FAM89A: variants seen among roughly 807,000 people sequenced by gnomAD.
The protein encoded by FAM89A is family with sequence similarity 89 member A, also known as protein FAM89A.
A neutral mutation model predicts 7.1 loss-of-function variants in FAM89A; 10 were observed. The observed-to-expected ratio is 1.40, with a 90% CI of 0.86 to 2.38. The LOEUF (loss-of-function observed/expected upper bound fraction) is 2.38, where lower values mean the gene tolerates loss of function less well. FAM89A is among the 30% of genes most tolerant of loss of function. The probability of loss-of-function intolerance (pLI) is 0.00; values close to 1 mark genes in which losing one functional copy is unlikely to be tolerated. For synonymous variants in FAM89A, 157 were observed against 129.3 expected, an observed-to-expected ratio of 1.21 and a Z score of -1.45; for missense variants, 276 against 262.8, an observed-to-expected ratio of 1.05 and a Z score of -0.35.
intron 1 of FAM89A, among the ~76,000 whole-genome samples, chr1:231,039,564 A>G (rs1254523596): frequency 6.6e-6 from 1 of 152,184 alleles, no homozygotes; most frequent in Non-Finnish European, 1.5e-5. Flanking sequence ...CCCCACCGGG[A>G]AGGTCTGTTT....
In FAM89A at chr1:231,019,939, T is replaced by TC; in HGVS notation, c.478dup (p.Asp160GlyfsTer74). 6.2e-7 allele frequency: 1 copy of TC among 1,613,980 alleles called. No individual in the cohort carries two copies. Among genetic ancestry groups the TC allele is most frequent in the Non-Finnish European group, 8.5e-7 (1 of 1,179,908 alleles). On this transcript the variant is annotated frameshift_variant, in exon 2 of 2. Transcript: ENST00000366654. LOFTEE classifies it high-confidence loss of function. ...TGACAAGTCCCGAGGAGGGCCTCGGTCCCTCCTGTCGTGCAGGGAGTTCTG... is the reference window on the plus strand; with the variant it reads ...TGACAAGTCCCGAGGAGGGCCTCGGTCCCCTCCTGTCGTGCAGGGAGTTCTG...
At chr1:231,038,926 A>C (rs1680203074) in intron 1 of FAM89A, among the ~76,000 whole-genome samples, 2 of 152,248 alleles carry the variant, frequency 1.3e-5, no homozygotes, top group Non-Finnish European at 2.9e-5. Flanking sequence ...ATTTCTTAAC[A>C]ATTTACCTAT....
intron 1 of FAM89A, among the ~76,000 whole-genome samples, chr1:231,034,281 A>AG (rs1415499631): frequency 1.3e-5 from 2 of 152,222 alleles, no homozygotes; most frequent in African/African-American, 4.8e-5. Flanking sequence ...AAAGAACCAT[A>AG]GAGGCATGAG....
chr1:231,030,726 T>A (rs1397682832), intron 1 of FAM89A, among the ~76,000 whole-genome samples: 1 of 152,222 alleles, frequency 6.6e-6, no homozygotes, highest in Admixed American at 6.5e-5. Context: ...CCAAACACTC[T>A]AAAAAATTAT....
intron 1 of FAM89A, among the ~76,000 whole-genome samples, chr1:231,031,287 A>G (rs1680064088): frequency 6.6e-6 from 1 of 152,210 alleles, no homozygotes; most frequent in Admixed American, 6.5e-5. Flanking sequence ...TGGGAAATGA[A>G]GGAGTATTTC....
intron 1 of FAM89A, chr1:231,021,802 T>C (rs1465017575): frequency 1.6e-5 from 25 of 1,602,604 alleles, no homozygotes; most frequent in Non-Finnish European, 2.1e-5. Context: ...TGACTCACAA[T>C]GACTCTGTTG....
intron 1 of FAM89A, among the ~76,000 whole-genome samples, chr1:231,032,491 A>C (rs11122196): frequency 6.6e-6 from 1 of 150,826 alleles, no homozygotes; most frequent in Admixed American, 6.6e-5. Flanking sequence ...GAGGTACAAC[A>C]TGATACCTTA....
intron 1 of FAM89A, among the ~76,000 whole-genome samples, chr1:231,038,880 T>C (rs762572040): frequency 6.6e-6 from 1 of 152,216 alleles, no homozygotes; most frequent in Non-Finnish European, 1.5e-5. Context: ...TTTTGGCAAA[T>C]TTAGTTTTGG....
intron 1 of FAM89A, chr1:231,026,502 T>C (rs1004511026): frequency 1.3e-5 from 2 of 152,284 alleles, no homozygotes; most frequent in African/African-American, 4.8e-5. Context: ...ACAGAGCCCT[T>C]GATGCTGGGT....
At chr1:231,034,618 CAA>C (rs1230689147) in intron 1 of FAM89A, among the ~76,000 whole-genome samples, 5 of 151,872 alleles carry the variant, frequency 3.3e-5, no homozygotes, top group Admixed American at 2.6e-4. Context: ...ACTAAAAATA[CAA>C]AAAGAGCCGG....
chr1:231,019,809 A>T lies in FAM89A; in HGVS notation c.*54T>A, dbSNP rs1313780975. The T allele has an allele frequency of 2.5e-6, 4 of 1,568,814 alleles. No homozygotes were observed. The highest frequency in any genetic ancestry group is 3.5e-6 in the Non-Finnish European group (4 of 1,152,800). On this transcript the variant is annotated 3_prime_UTR_variant, in exon 2 of 2. Coordinates refer to ENST00000366654, the MANE Select transcript of FAM89A (RefSeq NM_198552.3). ...CTTGCAAGAGAAGCAGCAAATGATG[A>T]CAGCGTGTCCAGTAGGAAGGGCTTC...
rs1680000450 is a variant in FAM89A, at chr1:231,027,848, GTGAT to G, written c.292-7726_292-7723del. Among the ~76,000 whole-genome samples, 3 of 152,338 alleles carry G rather than the reference GTGAT, an allele frequency of 2.0e-5. No homozygotes were observed. The East Asian group carries it at 5.8e-4, about 29-fold the overall frequency. On this transcript the variant is annotated intron_variant, in intron 1 of 1. Coordinates refer to ENST00000366654, the MANE Select transcript of FAM89A (RefSeq NM_198552.3). ...CCTGATTCCCTCCACTCTTCAGACT[GTGAT>G]TGGTTCAGCCAGTGTTCATCCTTTG...
intron 1 of FAM89A, among the ~76,000 whole-genome samples, chr1:231,032,948 G>A (rs1005403207): frequency 2.7e-4 from 41 of 152,348 alleles, no homozygotes; most frequent in African/African-American, 9.6e-4. Context: ...AACTAGGCCA[G>A]CTCATGGCTG....
chr1:231,020,825 C>T (rs935727460), intron 1 of FAM89A, among the ~76,000 whole-genome samples: 3 of 152,198 alleles, frequency 2.0e-5, no homozygotes, highest in Admixed American at 6.5e-5. Flanking sequence ...CAAAAGAACA[C>T]AGAACATTTA....
chr1:231,025,380 G>A (rs1013358733), intron 1 of FAM89A, among the ~76,000 whole-genome samples: 1 of 152,124 alleles, frequency 6.6e-6, no homozygotes, highest in Admixed American at 6.5e-5. Flanking sequence ...ATTTGGGCTC[G>A]CTCATCTATG....
chr1:231,029,910 T>G (rs992670906), intron 1 of FAM89A, among the ~76,000 whole-genome samples: 3 of 152,204 alleles, frequency 2.0e-5, no homozygotes, highest in African/African-American at 7.2e-5. Flanking sequence ...AAAGCAGAGA[T>G]CCAATCGATT....
chr1:231,032,181 C>A (rs1339395345), intron 1 of FAM89A, among the ~76,000 whole-genome samples: 1 of 152,222 alleles, frequency 6.6e-6, no homozygotes, highest in Non-Finnish European at 1.5e-5. Flanking sequence ...CATTTTACAT[C>A]CCTTTTGTGA....
At chr1:231,031,193 A>G (rs773687371) in intron 1 of FAM89A, among the ~76,000 whole-genome samples, 3 of 152,166 alleles carry the variant, frequency 2.0e-5, no homozygotes, top group Non-Finnish European at 4.4e-5. Context: ...TATCTGGCTT[A>G]TCTGGTTCTG....
chr1:231,023,408 G>A (rs1002221082), intron 1 of FAM89A, among the ~76,000 whole-genome samples: 1 of 152,222 alleles, frequency 6.6e-6, no homozygotes, highest in African/African-American at 2.4e-5. Context: ...GGGCCTGGCG[G>A]TGGCTAACGA....
Sources: allele counts gnomAD v4.1 joint callset (sites outside exome capture counted in the v4.1 genomes callset), GRCh38; gene constraint gnomAD v4.1.1; transcripts MANE v1.5; gene names NCBI Gene and HGNC (gene_info 2026-07-23, HGNC 2026-07-21).